Variants in TSPAN32 observed in about 807,000 individuals in gnomAD.
TSPAN32 encodes the protein tetraspanin-32.
A neutral mutation model predicts 42.7 loss-of-function variants in TSPAN32; 47 were observed. The observed-to-expected ratio is 1.10, with a 90% confidence interval of 0.87 to 1.40. The LOEUF (loss-of-function observed/expected upper bound fraction) is 1.40, where lower values mean the gene tolerates loss of function less well. Among genes scored for constraint, TSPAN32 ranks in the 40% most tolerant of loss-of-function variants. The probability of loss-of-function intolerance (pLI) is 0.00; values close to 1 mark genes in which losing one functional copy is unlikely to be tolerated. For synonymous variants in TSPAN32, 175 were observed against 175.9 expected, an observed-to-expected ratio of 0.99 and a Z score of 0.04; for missense variants, 469 against 424.1, an observed-to-expected ratio of 1.11 and a Z score of -0.93.
intron 3 of TSPAN32, among the ~76,000 whole-genome samples, chr11:2,308,095 G>A (rs927242353): frequency 6.6e-6 from 1 of 152,156 alleles, no homozygotes; most frequent in African/African-American, 2.4e-5. Context: ...CATCTTCTCA[G>A]GGGTGCCCTG....
At chr11:2,315,606 C>T (rs1848739450) in intron 6 of TSPAN32, 1 of 1,180,888 alleles carries the variant, frequency 8.5e-7, no homozygotes, top group South Asian at 1.6e-5. Flanking sequence ...GGAGGCAGAC[C>T]TGCCTGCGGG....
chr11:2,312,183 G>A (rs1848500576), intron 4 of TSPAN32, among the ~76,000 whole-genome samples: 1 of 152,206 alleles, frequency 6.6e-6, no homozygotes, highest in Admixed American at 6.5e-5. Context: ...GTCCTCCTTG[G>A]GCCATGGCAG....
intron 4 of TSPAN32, chr11:2,309,524 G>C (rs1216298894): frequency 2.7e-6 from 1 of 365,398 alleles, no homozygotes; most frequent in Admixed American, 3.0e-5. Context: ...AGAGCCCCCA[G>C]GGCAGCCGGG....
Position 2,314,492 on chromosome 11 carries a change from G to A in TSPAN32, c.464G>A (p.Cys155Tyr). ...TCCCTTCTGTTCCTGTAGTTTCTGT[G>A]CTGTGGGAAGAAGTCTCCTTTCAGC... ...ELAAIQDVFL[C>Y]CGKKSPFSRL... The change falls in exon 6 of 10, where the codon TGC (cysteine) becomes TAC (tyrosine). Residue 155 changes from cysteine (C) to tyrosine (Y), a missense_variant. Physicochemically the swap from Cys to Tyr is radical, Grantham distance 194. Transcript: ENST00000182290. 1 of 1,611,928 alleles carries A rather than the reference G, an allele frequency of 6.2e-7. No individual in the cohort carries two copies. The highest frequency in any genetic ancestry group is 1.7e-5 in the Admixed American group (1 of 59,734).
At chr11:2,315,074 C>T (rs916699386) in intron 6 of TSPAN32, 14 of 322,806 alleles carry the variant, frequency 4.3e-5, no homozygotes, top group Admixed American at 1.6e-4. Context: ...AACAACAGAG[C>T]GGGGCCCGAG....
At chr11:2,307,985 A>G (rs1449609916) in intron 3 of TSPAN32, among the ~76,000 whole-genome samples, 1 of 152,132 alleles carries the variant, frequency 6.6e-6, no homozygotes, top group Non-Finnish European at 1.5e-5. Flanking sequence ...AGAAGATCCT[A>G]CAGCCCCGGC....
At chr11:2,311,424 C>T (rs535869470) in intron 4 of TSPAN32, among the ~76,000 whole-genome samples, 11 of 152,324 alleles carry the variant, frequency 7.2e-5, no homozygotes, top group East Asian at 5.8e-4. Flanking sequence ...AACCCTCCCC[C>T]TGTGCCCTGA....
intron 3 of TSPAN32, among the ~76,000 whole-genome samples, chr11:2,308,376 C>T (rs1213935553): frequency 4.6e-5 from 7 of 151,688 alleles, no homozygotes; most frequent in African/African-American, 7.3e-5. Flanking sequence ...CACCAGGCCC[C>T]GCAGTGACTG....
chr11:2,314,615 G>A, intron 6 of TSPAN32, 44 bp downstream of exon 6: 1 of 1,519,934 alleles, frequency 6.6e-7, no homozygotes, highest in East Asian at 2.4e-5. Context: ...ACCCTCGGGG[G>A]CTGGACACCC....
At chr11:2,308,921 G>T (rs1387663781) in intron 4 of TSPAN32, 111 bp downstream of exon 4, 3 of 760,482 alleles carry the variant, frequency 3.9e-6, no homozygotes, top group Non-Finnish European at 6.5e-6. Flanking sequence ...CCAGGCTTGT[G>T]CTGACCGGGT....
At chr11:2,314,418 C>A in intron 5 of TSPAN32, 67 bp from the exon 6 acceptor site, 1 of 1,319,962 alleles carries the variant, frequency 7.6e-7, no homozygotes, top group South Asian at 1.3e-5. Flanking sequence ...TCAGTTTCCC[C>A]ATATGTGCTG....
At chr11:2,314,767 A>G (rs1589816634) in intron 6 of TSPAN32, 196 bp downstream of exon 6, 1 of 590,216 alleles carries the variant, frequency 1.7e-6, no homozygotes, top group East Asian at 2.8e-5. Flanking sequence ...CGCCAAGCCC[A>G]TTGGGTGGCC....
intron 4 of TSPAN32, among the ~76,000 whole-genome samples, chr11:2,310,205 G>A (rs1472719552): frequency 6.6e-6 from 1 of 152,168 alleles, no homozygotes; most frequent in Non-Finnish European, 1.5e-5. Context: ...GCTCGTCTGG[G>A]GCAGCTGCGG....
chr11:2,318,111 A>G lies in TSPAN32; in HGVS notation c.*187A>G. ...ATGGTGCATTGAGCAAATTGTGGTC[A>G]AATATACATCACATCAAATTTACCA... On this transcript the variant is annotated 3_prime_UTR_variant, in exon 10 of 10. Coordinates refer to ENST00000182290, the MANE Select transcript of TSPAN32 (RefSeq NM_139022.3). This position sits in a 1 kb window ranked among gnomAD's most constrained non-coding sequence, Gnocchi z 4.2. 1.8e-6 allele frequency: 1 copy of G among 565,628 alleles called. No individual in the cohort carries two copies. Among genetic ancestry groups the G allele is most frequent in the Non-Finnish European group, 3.1e-6 (1 of 322,504 alleles). The allele number at this position is 565,628 out of a possible 1,614,324, so 35.0% of individuals were successfully genotyped here.
Position 2,317,899 on chromosome 11 carries a change from G to A in TSPAN32, c.938G>A (p.Cys313Tyr). Residue 313 changes from cysteine (C) to tyrosine (Y), a missense_variant, in exon 10 of 10, where the codon TGC becomes TAC. By Grantham distance (194) the Cys-to-Tyr change is radical. Transcript: ENST00000182290. This position sits in a 1 kb window ranked among gnomAD's most constrained non-coding sequence, Gnocchi z 6.2. ...AGAAGTCGCGGTGGGCTCAGTGGGT[G>A]CCCTGAGCGGGGTCTCTCAGACTGA... ...QGRSRGGLSG[C>Y]PERGLSD 7.6e-7 allele frequency: 1 copy of A among 1,318,106 alleles called. No homozygotes were observed. The highest frequency in any genetic ancestry group is 1.1e-6 in the Non-Finnish European group (1 of 910,030). 81.7% of individuals were successfully genotyped at this position (1,318,106 alleles called of 1,614,324 possible).
At chr11:2,316,998 T>C (rs902468687) in intron 8 of TSPAN32, among the ~76,000 whole-genome samples, 8 of 152,064 alleles carry the variant, frequency 5.3e-5, no homozygotes, top group Non-Finnish European at 1.2e-4. Flanking sequence ...GAGCTCCTCA[T>C]GCTTAGGGGG....
Position 2,314,537 on chromosome 11 carries a change from C to G in TSPAN32, c.509C>G (p.Ala170Gly). ...TTCAGCCGTCTGGGGAGCACAGAGGCTGACCTGTGTCAGGGAGAGGAGGCG... is the reference window on the plus strand; with the variant it reads ...TTCAGCCGTCTGGGGAGCACAGAGGGTGACCTGTGTCAGGGAGAGGAGGCG... Reference protein sequence around the residue: ...SPFSRLGSTEADLCQGEEAAR... With the variant: ...SPFSRLGSTEGDLCQGEEAAR... Residue 170 changes from alanine (A) to glycine (G), a missense_variant, in exon 6 of 10, where the codon GCT becomes GGT. Transcript: ENST00000182290. 6.2e-7 allele frequency: 1 copy of G among 1,612,284 alleles called. No homozygotes were observed. The highest frequency in any genetic ancestry group is 1.3e-5 in the African/African-American group (1 of 75,048).
chr11:2,317,595 G>T lies in TSPAN32; in HGVS notation c.901+70G>T. Reference sequence around the variant, plus strand: ...AGGGTCCGAGCTGTGAGGAGGGAAGGGAGTGAAGGCCCAGCCAGAGAGCCA... The same window carrying T: ...AGGGTCCGAGCTGTGAGGAGGGAAGTGAGTGAAGGCCCAGCCAGAGAGCCA... On this transcript the variant is annotated intron_variant, in intron 9 of 9. Coordinates refer to ENST00000182290, the MANE Select transcript of TSPAN32 (RefSeq NM_139022.3). The surrounding 1 kb of genome is among the most constrained non-coding windows in gnomAD (Gnocchi z 6.2). 1 of 1,514,056 alleles carries T rather than the reference G, an allele frequency of 6.6e-7. No individual in the cohort carries two copies. The highest frequency in any genetic ancestry group is 1.2e-5 in the South Asian group (1 of 81,288). 93.8% of individuals were successfully genotyped at this position (1,514,056 alleles called of 1,614,324 possible).
At chr11:2,303,643 C>T (rs1589794305) in intron 2 of TSPAN32, among the ~76,000 whole-genome samples, 4 of 152,242 alleles carry the variant, frequency 2.6e-5, no homozygotes, top group African/African-American at 9.6e-5. Context: ...GAACCCAATG[C>T]TTTTCCCCAA....
Sources: allele counts gnomAD v4.1 joint callset (sites outside exome capture counted in the v4.1 genomes callset), GRCh38; gene constraint gnomAD v4.1.1; non-coding constraint Gnocchi (gnomAD v3.1); transcripts MANE v1.5; gene names NCBI Gene and HGNC (gene_info 2026-07-23, HGNC 2026-07-21).